The following DCTD variants were observed in gnomAD, a reference collection of about 807,000 sequenced individuals.
DCTD encodes deoxycytidylate deaminase.
DCTD carries 23 observed loss-of-function variants against 21.0 expected under a neutral mutation model. The ratio of observed to expected loss-of-function variants is 1.09; its 90% CI spans 0.79 to 1.55. The LOEUF (loss-of-function observed/expected upper bound fraction) is 1.55, where lower values mean the gene tolerates loss of function less well. DCTD is among the 40% of genes most tolerant of loss of function. The probability of loss-of-function intolerance (pLI) is 0.00; values close to 1 mark genes in which losing one functional copy is unlikely to be tolerated. For synonymous variants in DCTD, 71 were observed against 81.1 expected (o/e 0.88, Z 0.67); for missense variants, 224 against 230.0 (o/e 0.97, Z 0.17).
chr4:182,904,424 G>A (rs967890088), intron 3 of DCTD, among the ~76,000 whole-genome samples: 34 of 152,312 alleles, frequency 2.2e-4, no homozygotes, highest in Admixed American at 4.6e-4. Flanking sequence ...GCTAATCAGC[G>A]CTGATAGTAC....
chr4:182,915,348 C>A, intron 2 of DCTD, 113 bp downstream of exon 2: 1 of 804,178 alleles, frequency 1.2e-6, no homozygotes, highest in Non-Finnish European at 2.1e-6. Context: ...AAAAGGCAGA[C>A]CGACCCTGCA....
intron 3 of DCTD, among the ~76,000 whole-genome samples, chr4:182,912,679 A>C (rs1214114602): frequency 6.6e-6 from 1 of 152,246 alleles, no homozygotes; most frequent in Non-Finnish European, 1.5e-5. Flanking sequence ...GCAGTGTCTC[A>C]TAACCAACAA....
intron 3 of DCTD, among the ~76,000 whole-genome samples, chr4:182,899,097 G>A (rs887060261): frequency 3.3e-5 from 5 of 152,156 alleles, no homozygotes; most frequent in African/African-American, 7.2e-5. Flanking sequence ...CCAACATGAC[G>A]TGTACTTGGG....
chr4:182,911,067 C>T (rs1737579102), intron 3 of DCTD, among the ~76,000 whole-genome samples: 1 of 152,194 alleles, frequency 6.6e-6, no homozygotes, highest in African/African-American at 2.4e-5. Context: ...GACTGGGTGG[C>T]TGAGAAACAA....
At chr4:182,894,330 C>T (rs1386607909) in intron 4 of DCTD, among the ~76,000 whole-genome samples, 159 bp downstream of exon 4, 1 of 152,182 alleles carries the variant, frequency 6.6e-6, no homozygotes, top group Non-Finnish European at 1.5e-5. Context: ...GAATACCTGG[C>T]ACCATTCAAA....
intron 3 of DCTD, among the ~76,000 whole-genome samples, chr4:182,906,129 T>A (rs1736676860): frequency 6.6e-6 from 1 of 151,968 alleles, no homozygotes. Context: ...ACAATCCAGT[T>A]CATACACACA....
chr4:182,912,796 G>A (rs1349504069), intron 3 of DCTD, among the ~76,000 whole-genome samples: 1 of 152,160 alleles, frequency 6.6e-6, no homozygotes, highest in Non-Finnish European at 1.5e-5. Flanking sequence ...TTAAAGATCT[G>A]CTGGGGGCTC....
At chr4:182,913,528 A>G (rs1321670481) in intron 3 of DCTD, among the ~76,000 whole-genome samples, 1 of 152,202 alleles carries the variant, frequency 6.6e-6, no homozygotes, top group Non-Finnish European at 1.5e-5. Flanking sequence ...AAAAATATAT[A>G]AATTAGACTA....
At chr4:182,897,957 C>A (rs947039612) in intron 3 of DCTD, among the ~76,000 whole-genome samples, 1 of 152,242 alleles carries the variant, frequency 6.6e-6, no homozygotes, top group Non-Finnish European at 1.5e-5. Context: ...TCCCCCAGGC[C>A]GCCCTGTACC....
intron 3 of DCTD, among the ~76,000 whole-genome samples, chr4:182,910,994 A>T (rs1258494812): frequency 6.6e-6 from 1 of 152,156 alleles, no homozygotes. Flanking sequence ...GGTAAACTCA[A>T]ATTTACACAG....
intron 3 of DCTD, among the ~76,000 whole-genome samples, chr4:182,906,459 G>C (rs897672321): frequency 2.0e-5 from 3 of 152,146 alleles, no homozygotes; most frequent in African/African-American, 7.2e-5. Context: ...CATAATAAAT[G>C]CCCTAGAAGT....
chr4:182,897,834 C>T (rs894540485), intron 3 of DCTD, among the ~76,000 whole-genome samples: 9 of 152,204 alleles, frequency 5.9e-5, no homozygotes, highest in African/African-American at 1.9e-4. Flanking sequence ...CTGCCCCCTT[C>T]GTAACTCCCA....
rs545276837 is a variant in DCTD, at chr4:182,915,137, G to A, written c.109-79C>T. 1.3e-5 allele frequency: 21 copies of A among 1,572,264 alleles called. No individual in the cohort carries two copies. In the African/African-American group the frequency reaches 2.4e-4, roughly 18 times the overall value. On this transcript the variant is annotated intron_variant, in intron 2 of 5. Transcript: ENST00000438320. ...TGTGGAAGCAGGGAATAAAACCAGG[G>A]GGACTGCAGAACTCAAAACAGACGC...
chr4:182,911,008 T>C (rs1321982645), intron 3 of DCTD, among the ~76,000 whole-genome samples: 1 of 152,230 alleles, frequency 6.6e-6, no homozygotes, highest in Non-Finnish European at 1.5e-5. Context: ...TACACAGTTC[T>C]CAAGCTCCCT....
intron 5 of DCTD, among the ~76,000 whole-genome samples, chr4:182,892,637 AG>A (rs1202625251): frequency 1.4e-5 from 2 of 144,986 alleles, no homozygotes; most frequent in South Asian, 2.3e-4. Flanking sequence ...CAAAAAAAAA[AG>A]AGAGAATCCC....
intron 5 of DCTD, 103 bp downstream of exon 5, chr4:182,892,928 C>T: frequency 2.8e-6 from 2 of 713,724 alleles, no homozygotes; most frequent in Non-Finnish European, 5.0e-6. Flanking sequence ...AAGACACCTC[C>T]AAGTGTGGAA....
rs953831134 is a variant in DCTD, at chr4:182,916,798, G to C, written c.-8+513C>G. On this transcript the variant is annotated intron_variant, in intron 1 of 5. Transcript: ENST00000438320. ...GAGGGAAGGGTCCTGTTAATCCCCT[G>C]GGCGCCTTCTCCTGGTGTGGCTGAA... The C allele has an allele frequency of 3.6e-6, 4 of 1,120,042 alleles. No homozygotes were observed. The Admixed American group carries it at 1.5e-4, about 42-fold the overall frequency. 69.4% of individuals were successfully genotyped at this position (1,120,042 alleles called of 1,614,324 possible). A position where few individuals can be genotyped will look rare whatever the true frequency, so the allele number is the denominator to read the frequency against.
At chr4:182,908,578 G>A (rs1579750531) in intron 3 of DCTD, among the ~76,000 whole-genome samples, 4 of 151,226 alleles carry the variant, frequency 2.6e-5, no homozygotes, top group East Asian at 2.0e-4. Flanking sequence ...CAGCTACTCC[G>A]AGGCTGAAGC....
Position 182,890,820 on chromosome 4 carries a change from G to C in DCTD, c.*579C>G, listed in dbSNP as rs1733617766. On this transcript the variant is annotated 3_prime_UTR_variant, in exon 6 of 6. Coordinates refer to ENST00000438320, the MANE Select transcript of DCTD (RefSeq NM_001921.3). Reference sequence around the variant, plus strand: ...CCTGGTTCAGTTACACTCCTCGTCTGTCAGGACAGATGTGCCACCCTATCT... The same window carrying C: ...CCTGGTTCAGTTACACTCCTCGTCTCTCAGGACAGATGTGCCACCCTATCT... 6.6e-6 allele frequency: 1 copy of C among 152,660 alleles called. No individual in the cohort carries two copies. The highest frequency in any genetic ancestry group is 2.4e-5 in the African/African-American group (1 of 41,486). The allele number at this position is 152,660 out of a possible 1,614,324, so 9.5% of individuals were successfully genotyped here.
Sources: allele counts gnomAD v4.1 joint callset (sites outside exome capture counted in the v4.1 genomes callset), GRCh38; gene constraint gnomAD v4.1.1; transcripts MANE v1.5; gene names NCBI Gene and HGNC (gene_info 2026-07-23, HGNC 2026-07-21).